The following ROBO2 variants were observed in gnomAD, a reference collection of about 807,000 sequenced individuals.
ROBO2 encodes the protein roundabout guidance receptor 2.
Under a neutral mutation model 160.8 loss-of-function variants are expected in ROBO2, and 53 were observed. The ratio of observed to expected loss-of-function variants is 0.33; its 90% CI spans 0.26 to 0.41. The LOEUF is 0.41. ROBO2 is among the 10% of genes least tolerant of loss of function. ROBO2 has a pLI of 1.00. For synonymous variants in ROBO2, 664 were observed against 611.7 expected, an observed-to-expected ratio of 1.09 and a Z score of -1.26; for missense variants, 1,577 against 1,722.4, an observed-to-expected ratio of 0.92 and a Z score of 1.49.
At chr3:76,051,656 G>A (rs750166963) in intron 2 of ROBO2, among the ~76,000 whole-genome samples, 16 of 151,924 alleles carry the variant, frequency 1.1e-4, no homozygotes, top group Non-Finnish European at 2.1e-4. Context: ...CACTCTACTT[G>A]ACAGCAAAGA....
chr3:77,569,997 C>T (rs781613010), intron 13 of ROBO2, among the ~76,000 whole-genome samples: 1 of 151,848 alleles, frequency 6.6e-6, no homozygotes, highest in Non-Finnish European at 1.5e-5. Context: ...AACACAATTA[C>T]GTTATTATTT....
At chr3:76,162,534 A>G (rs1422725078) in intron 2 of ROBO2, among the ~76,000 whole-genome samples, 1 of 152,054 alleles carries the variant, frequency 6.6e-6, no homozygotes. Context: ...GTTAATATCC[A>G]ACTCTTTGCC....
chr3:76,197,898 A>T (rs538620175), intron 2 of ROBO2, among the ~76,000 whole-genome samples: 21 of 152,338 alleles, frequency 1.4e-4, no homozygotes, highest in Admixed American at 4.6e-4. Flanking sequence ...TCTGAGAACA[A>T]TATAAGTATC....
intron 2 of ROBO2, among the ~76,000 whole-genome samples, chr3:76,653,827 A>G (rs2091363985): frequency 6.6e-6 from 1 of 152,234 alleles, no homozygotes; most frequent in Non-Finnish European, 1.5e-5. Flanking sequence ...TACCATGGCA[A>G]CACACTGACC....
intron 2 of ROBO2, among the ~76,000 whole-genome samples, chr3:76,320,121 T>C (rs1202464097): frequency 6.6e-6 from 1 of 152,160 alleles, no homozygotes. Context: ...AGATTTCATT[T>C]TGTAATGAAA....
chr3:76,551,561 C>T lies in ROBO2; in HGVS notation c.110-546453C>T, dbSNP rs569203174. 7.2e-5 allele frequency among the ~76,000 whole-genome samples: 11 copies of T among 152,206 alleles called. No individual in the cohort carries two copies. The South Asian group carries it at 8.3e-4, about 11-fold the overall frequency. ...ACCCTACTCACCACATTGTGGGCAA[C>T]GAGAAGGATAGAATGAGGAGCTATG... is the stretch of plus-strand genomic sequence containing the variant. On this transcript the variant is annotated intron_variant, in intron 2 of 26. Transcript: ENST00000487694.
intron 2 of ROBO2, among the ~76,000 whole-genome samples, chr3:76,857,197 G>C (rs1461757685): frequency 3.9e-5 from 6 of 152,090 alleles, no homozygotes; most frequent in Non-Finnish European, 7.4e-5. Context: ...GTGTTAGCCA[G>C]GATGGTCTCG....
rs539992682 is a variant in ROBO2 at position 75,910,230 on chromosome 3, T to C, written c.-14+3270T>C. Among the ~76,000 whole-genome samples, 157 of 152,260 alleles carry C rather than the reference T, an allele frequency of 1.0e-3. 1 individual carries two copies. The highest frequency in any genetic ancestry group is 3.5e-3 in the African/African-American group (145 of 41,544). On this transcript the variant is annotated intron_variant, in intron 1 of 26. Coordinates refer to the ROBO2 transcript ENST00000487694. ...GACAGAATCACTGCACCCTTGGACA[T>C]TGTCCGACCACATGTATGAGAATAG... is the stretch of plus-strand genomic sequence containing the variant.
chr3:76,583,219 A>C (rs964045063), intron 2 of ROBO2, among the ~76,000 whole-genome samples: 2 of 152,168 alleles, frequency 1.3e-5, no homozygotes, highest in Non-Finnish European at 2.9e-5. Context: ...TGTTTTAACT[A>C]TGTGTTTCCA....
At chr3:76,298,147 C>T (rs1203112931) in intron 2 of ROBO2, among the ~76,000 whole-genome samples, 2 of 152,138 alleles carry the variant, frequency 1.3e-5, no homozygotes, top group African/African-American at 4.8e-5. Flanking sequence ...AAAGCTGGGT[C>T]ATTTCCTAAG....
intron 2 of ROBO2, among the ~76,000 whole-genome samples, chr3:76,800,113 A>G (rs115345586): frequency 2.0e-5 from 3 of 152,214 alleles, no homozygotes; most frequent in Non-Finnish European, 2.9e-5. Context: ...AAGAACATAC[A>G]TTGGAGAAAG....
chr3:75,983,117 G>A (rs1337448221), intron 2 of ROBO2, among the ~76,000 whole-genome samples: 1 of 151,382 alleles, frequency 6.6e-6, no homozygotes, highest in Non-Finnish European at 1.5e-5. Context: ...AATTTAACAA[G>A]AAAGCTTAAG....
intron 2 of ROBO2, among the ~76,000 whole-genome samples, chr3:76,917,753 A>AG (rs1190897680): frequency 6.6e-6 from 1 of 151,746 alleles, no homozygotes; most frequent in East Asian, 1.9e-4. Flanking sequence ...GCTAAAAAAA[A>AG]ATGTCTAAGA....
intron 2 of ROBO2, among the ~76,000 whole-genome samples, chr3:76,325,507 A>C (rs567249475): frequency 6.6e-6 from 1 of 152,256 alleles, no homozygotes; most frequent in Admixed American, 6.6e-5. Flanking sequence ...CAGGTATCAG[A>C]CCATACTTGT....
chr3:76,948,752 C>A (rs1223798886), intron 2 of ROBO2, among the ~76,000 whole-genome samples: 1 of 143,902 alleles, frequency 6.9e-6, no homozygotes, highest in Non-Finnish European at 1.5e-5. Flanking sequence ...TGTTGCCAGG[C>A]TGGAGTGCAG....
At chr3:76,091,234 C>T (rs963137184) in intron 2 of ROBO2, among the ~76,000 whole-genome samples, 2 of 152,034 alleles carry the variant, frequency 1.3e-5, no homozygotes, top group South Asian at 2.1e-4. Context: ...ACTCTTAAAA[C>T]TCAACAATAA....
intron 2 of ROBO2, among the ~76,000 whole-genome samples, chr3:76,971,529 A>G (rs1012047735): frequency 1.3e-5 from 2 of 151,376 alleles, no homozygotes; most frequent in South Asian, 4.2e-4. Context: ...TTTGCCAGAA[A>G]TAGACATCTC....
intron 2 of ROBO2, among the ~76,000 whole-genome samples, chr3:76,730,454 G>T (rs1485560927): frequency 4.8e-4 from 1 of 2,096 alleles, no homozygotes; most frequent in Non-Finnish European, 8.3e-4. Context: ...CTACCCGCTT[G>T]TCCTCACCTC....
At chr3:77,039,135 G>A (rs2063821909), upstream of ROBO2, among the ~76,000 whole-genome samples, 1 of 152,210 alleles carries the variant, frequency 6.6e-6, no homozygotes, top group Non-Finnish European at 1.5e-5. Flanking sequence ...GCCGCAGGGG[G>A]CCATAGATCT....
Sources: gnomAD v4.1 joint callset for allele counts (sites outside exome capture counted in the v4.1 genomes callset) on GRCh38, gnomAD v4.1.1 for gene constraint, MANE v1.5 for transcripts, NCBI Gene and HGNC (gene_info 2026-07-23, HGNC 2026-07-21) for gene names.